The following PPP6R2 variants were observed in gnomAD, a reference collection of about 807,000 sequenced individuals.
PPP6R2 encodes serine/threonine-protein phosphatase 6 regulatory subunit 2.
PPP6R2 carries 62 observed loss-of-function variants against 100.2 expected under a neutral mutation model. The ratio of observed to expected loss-of-function variants is 0.62; its 90% CI spans 0.50 to 0.76. PPP6R2 has a LOEUF of 0.76. PPP6R2 is among the 30% of genes least tolerant of loss of function. The pLI is 0.00. For synonymous variants in PPP6R2, 525 were observed against 514.7 expected, an observed-to-expected ratio of 1.02 and a Z score of -0.27; for missense variants, 1,142 against 1,276.3, an observed-to-expected ratio of 0.89 and a Z score of 1.60.
chr22:50,336,314 A>T, the PPP6R2 span, among the ~76,000 whole-genome samples: 2 of 152,168 alleles, frequency 1.3e-5, no homozygotes, highest in South Asian at 2.1e-4. Context: ...TTTTAACCAA[A>T]AATATGACAT....
intron 1 of PPP6R2, among the ~76,000 whole-genome samples, chr22:50,369,208 A>T (rs951519598): frequency 6.6e-6 from 1 of 151,702 alleles, no homozygotes; most frequent in Admixed American, 6.6e-5. Flanking sequence ...ATTGCACTCC[A>T]GCCTGGGCAA....
intron 4 of PPP6R2, among the ~76,000 whole-genome samples, chr22:50,409,585 G>A (rs969429808): frequency 2.0e-5 from 3 of 151,996 alleles, no homozygotes; most frequent in African/African-American, 2.4e-5. Context: ...GCACCCCCAC[G>A]CCCAACTAAT....
chr22:50,432,304 G>A lies in PPP6R2; in HGVS notation c.1375G>A (p.Ala459Thr). 1 of 1,549,626 alleles carries A rather than the reference G, an allele frequency of 6.5e-7. No homozygotes were observed. The change falls in exon 12 of 24, where the codon GCC (alanine) becomes ACC (threonine). Residue 459 changes from alanine (A) to threonine (T), a missense_variant. Physicochemically the swap from Ala to Thr is moderately conservative, Grantham distance 58. Around this residue, in one of 2 missense-constraint regions of PPP6R2, gnomAD observed 592 missense variants for 758.9 expected, o/e 0.78. Transcript: ENST00000612753. ...CTGCCTGGTGCAGAGGATCCTGGAGGCCTGGGAAGCCAACGACCACACGCA... is the reference window on the plus strand; with the variant it reads ...CTGCCTGGTGCAGAGGATCCTGGAGACCTGGGAAGCCAACGACCACACGCA... ...KCCLVQRILE[A>T]WEANDHTQAA...
upstream of PPP6R2, chr22:50,343,234 G>C (rs1338471891): frequency 6.6e-6 from 1 of 150,766 alleles, no homozygotes; most frequent in Admixed American, 6.6e-5. Context: ...CCCAGGTCCC[G>C]GCCCCGCCCA....
chr22:50,430,956 C>G (rs2063031127), intron 10 of PPP6R2, among the ~76,000 whole-genome samples: 1 of 151,832 alleles, frequency 6.6e-6, no homozygotes, highest in East Asian at 1.9e-4. Context: ...CAGACACCCA[C>G]AGGCAGGAGG....
chr22:50,339,803 TGTGTGTGTGGTGTGTGGGGTATGTA>T (rs1188368990), upstream of PPP6R2, among the ~76,000 whole-genome samples: 7 of 96,584 alleles, frequency 7.2e-5, no homozygotes, highest in South Asian at 3.4e-4. Context: ...GTGTGGGGTA[TGTGTGTGTGGTGTGTGGGGTATGTA>T]GTGTGTGTGG....
chr22:50,339,363 TGTGTGGCTTGC>T (rs1440943493), upstream of PPP6R2, among the ~76,000 whole-genome samples: 2 of 135,544 alleles, frequency 1.5e-5, no homozygotes, highest in Non-Finnish European at 3.1e-5. Flanking sequence ...GTATGTGGTG[TGTGTGGCTTGC>T]GTGTGGTATG....
chr22:50,374,517 A>T (rs939248635), intron 2 of PPP6R2, among the ~76,000 whole-genome samples: 1 of 152,184 alleles, frequency 6.6e-6, no homozygotes, highest in African/African-American at 2.4e-5. Flanking sequence ...TATTGAAGAG[A>T]TGTATTATTC....
chr22:50,391,376 T>C (rs2055491558), intron 2 of PPP6R2, among the ~76,000 whole-genome samples: 1 of 128,432 alleles, frequency 7.8e-6, no homozygotes, highest in Admixed American at 1.0e-4. Flanking sequence ...GAGGTTGCAG[T>C]GAGCCAAGAT....
Position 50,444,313 on chromosome 22 carries a change from G to C in PPP6R2, c.*66G>C, listed in dbSNP as rs1359182967. The C allele has an allele frequency of 9.3e-6, 14 of 1,497,914 alleles. No homozygotes were observed. Among genetic ancestry groups the C allele is most frequent in the Non-Finnish European group, 1.3e-5 (14 of 1,109,120 alleles). The allele number at this position is 1,497,914 out of a possible 1,614,324, so 92.8% of individuals were successfully genotyped here. ...CCTCCTTAATCGAGAAAACTACCTGGTGATGCAATCTTTTTTTTTTTTAAT... is the reference window on the plus strand; with the variant it reads ...CCTCCTTAATCGAGAAAACTACCTGCTGATGCAATCTTTTTTTTTTTTAAT... On this transcript the variant is annotated 3_prime_UTR_variant, in exon 24 of 24. Coordinates refer to ENST00000612753, the MANE Select transcript of PPP6R2 (RefSeq NM_001242898.2).
chr22:50,347,817 G>A (rs533631125), intron 1 of PPP6R2, among the ~76,000 whole-genome samples: 2 of 152,202 alleles, frequency 1.3e-5, no homozygotes, highest in African/African-American at 2.4e-5. Flanking sequence ...TGCAGTTGCC[G>A]ACACTGTTCA....
intron 2 of PPP6R2, among the ~76,000 whole-genome samples, chr22:50,373,928 T>G (rs1225728202): frequency 6.6e-6 from 1 of 152,036 alleles, no homozygotes; most frequent in East Asian, 1.9e-4. Context: ...GTGACGGGGT[T>G]TCACCACGTT....
chr22:50,405,335 AG>A (rs2058684734), intron 3 of PPP6R2, among the ~76,000 whole-genome samples: 1 of 72,202 alleles, frequency 1.4e-5, no homozygotes. Flanking sequence ...GAGGCCTGGC[AG>A]GCGAGTGTGA....
intron 8 of PPP6R2, among the ~76,000 whole-genome samples, chr22:50,420,129 GATGCAGAGTGGCGAGTGCAGTAGAC>G (rs2061122548): frequency 1.3e-5 from 2 of 152,242 alleles, no homozygotes. Flanking sequence ...CAGCGAGGGT[GATGCAGAGTGGCGAGTGCAGTAGAC>G]ATGCACCCAG....
At chr22:50,349,037 C>CA (rs983869642) in intron 1 of PPP6R2, among the ~76,000 whole-genome samples, 11 of 150,356 alleles carry the variant, frequency 7.3e-5, no homozygotes, top group South Asian at 4.2e-4. Context: ...ACTGAAAATA[C>CA]AAAAAAAACT....
chr22:50,337,903 T>C, the PPP6R2 span, among the ~76,000 whole-genome samples: 1 of 130,278 alleles, frequency 7.7e-6, no homozygotes, highest in East Asian at 2.4e-4. Context: ...GTGTGGTCTG[T>C]GTGGTGTAGT....
intron 1 of PPP6R2, among the ~76,000 whole-genome samples, chr22:50,351,026 GTTTTTTTTTTTTTTT>G (rs1195469509): frequency 1.2e-5 from 1 of 80,748 alleles, no homozygotes; most frequent in Non-Finnish European, 2.3e-5. Flanking sequence ...TCTCAACAGT[GTTTTTTTTTTTTTTT>G]TTTTTTTTTT....
At chr22:50,442,012 G>A (rs537726310) in intron 22 of PPP6R2, among the ~76,000 whole-genome samples, 28 of 152,128 alleles carry the variant, frequency 1.8e-4, no homozygotes, top group Non-Finnish European at 3.5e-4. Flanking sequence ...GGAAGTCCTC[G>A]GGCTGGATTC....
intron 7 of PPP6R2, among the ~76,000 whole-genome samples, 160 bp downstream of exon 7, chr22:50,419,139 C>T (rs1242537542): frequency 6.6e-6 from 1 of 152,188 alleles, no homozygotes; most frequent in Non-Finnish European, 1.5e-5. Flanking sequence ...GGCCTGTTTC[C>T]AGAGGGAGGG....
Sources: allele counts gnomAD v4.1 joint callset (sites outside exome capture counted in the v4.1 genomes callset), GRCh38; gene constraint gnomAD v4.1.1; regional missense constraint gnomAD v4.1.1; transcripts MANE v1.5; gene names NCBI Gene and HGNC (gene_info 2026-07-23, HGNC 2026-07-21).